The following LRRTM4 variants were observed in gnomAD, a reference collection of about 807,000 sequenced individuals.
The protein encoded by LRRTM4 is leucine rich repeat transmembrane neuronal 4.
A neutral mutation model predicts 47.6 loss-of-function variants in LRRTM4; 25 were observed. The observed-to-expected ratio is 0.53, with a 90% CI of 0.38 to 0.73. The LOEUF is 0.73. LRRTM4 is among the 30% of genes least tolerant of loss of function. The probability of loss-of-function intolerance (pLI) is 0.00; values close to 1 mark genes in which losing one functional copy is unlikely to be tolerated. For synonymous variants in LRRTM4, 311 were observed against 269.5 expected (o/e 1.15, Z -1.51); for missense variants, 638 against 713.4 (o/e 0.89, Z 1.20).
At chr2:77,181,726 A>C (rs1039132957) in intron 3 of LRRTM4, among the ~76,000 whole-genome samples, 2 of 152,128 alleles carry the variant, frequency 1.3e-5, no homozygotes, top group East Asian at 1.9e-4. Context: ...TTAACTAATA[A>C]ATTTATGATG....
At chr2:76,787,850 T>G (rs553459667) in intron 3 of LRRTM4, among the ~76,000 whole-genome samples, 1 of 152,260 alleles carries the variant, frequency 6.6e-6, no homozygotes, top group South Asian at 2.1e-4. Flanking sequence ...ACCAGTCCTT[T>G]AGGCAAATTT....
chr2:77,176,681 C>G (rs555878318), intron 3 of LRRTM4, among the ~76,000 whole-genome samples: 1 of 152,122 alleles, frequency 6.6e-6, no homozygotes, highest in African/African-American at 2.4e-5. Context: ...ATAATAAACT[C>G]TTTTATCTAC....
At chr2:76,817,529 A>T (rs1573162120) in intron 3 of LRRTM4, among the ~76,000 whole-genome samples, 1 of 151,936 alleles carries the variant, frequency 6.6e-6, no homozygotes, top group Non-Finnish European at 1.5e-5. Context: ...AAATGAAATA[A>T]TGGCTTCAGA....
chr2:77,033,077 A>C (rs1426431487), intron 3 of LRRTM4, among the ~76,000 whole-genome samples: 3 of 152,080 alleles, frequency 2.0e-5, no homozygotes, highest in African/African-American at 7.2e-5. Flanking sequence ...TGATGTTTTA[A>C]AGTTGAAAAA....
chr2:77,184,170 A>G (rs1009646525), intron 3 of LRRTM4, among the ~76,000 whole-genome samples: 2 of 152,176 alleles, frequency 1.3e-5, no homozygotes, highest in Admixed American at 1.3e-4. Context: ...TAACTAAAGT[A>G]TAAAATATTT....
chr2:77,423,317 T>A (rs1284188550), intron 3 of LRRTM4, among the ~76,000 whole-genome samples: 3 of 148,234 alleles, frequency 2.0e-5, no homozygotes, highest in East Asian at 3.9e-4. Flanking sequence ...TAAATCCATC[T>A]CTTTGGAATA....
intron 3 of LRRTM4, among the ~76,000 whole-genome samples, chr2:76,770,249 C>T (rs1673638150): frequency 6.6e-6 from 1 of 152,168 alleles, no homozygotes; most frequent in South Asian, 2.1e-4. Flanking sequence ...ATATTTTCTG[C>T]AATGTCATAA....
rs189086560 is a variant in LRRTM4 at position 77,085,394 on chromosome 2, C to A, written c.1552-336478G>T. On this transcript the variant is annotated intron_variant, in intron 3 of 3. Transcript: ENST00000409884. ...AATCCCTCACTTTTTTTTTTTTTTG[C>A]CTGTTTTAAGGATGTTATTTGTATA... Among the ~76,000 whole-genome samples the A allele has an allele frequency of 2.0e-4, 28 of 139,888 alleles. No individual in the cohort carries two copies. In the South Asian group the frequency reaches 3.7e-3, roughly 19 times the overall value. The allele number at this position is 139,888 out of a possible 152,430, so 91.8% of individuals were successfully genotyped here. A position where few individuals can be genotyped will look rare whatever the true frequency, so the allele number is the denominator to read the frequency against.
intron 3 of LRRTM4, among the ~76,000 whole-genome samples, chr2:77,102,515 TG>T (rs1437060460): frequency 6.6e-6 from 1 of 152,238 alleles, no homozygotes; most frequent in East Asian, 1.9e-4. Context: ...GAGTCAAATA[TG>T]TTTCAAATGG....
intron 3 of LRRTM4, among the ~76,000 whole-genome samples, chr2:76,770,094 C>G (rs1444241540): frequency 6.6e-6 from 1 of 152,100 alleles, no homozygotes; most frequent in Non-Finnish European, 1.5e-5. Flanking sequence ...GTCAATCAGT[C>G]TGAAAGTCAA....
chr2:76,977,037 G>A (rs928406628), intron 3 of LRRTM4, among the ~76,000 whole-genome samples: 5 of 151,658 alleles, frequency 3.3e-5, no homozygotes, highest in African/African-American at 1.2e-4. Flanking sequence ...GTTTACATGT[G>A]TCAGTGTACG....
intron 3 of LRRTM4, among the ~76,000 whole-genome samples, chr2:77,326,289 T>C (rs1670771193): frequency 6.6e-6 from 1 of 152,228 alleles, no homozygotes; most frequent in East Asian, 1.9e-4. Flanking sequence ...TAAATGTATC[T>C]ACTTTTCTCT....
intron 3 of LRRTM4, among the ~76,000 whole-genome samples, chr2:77,030,495 GA>G (rs1227851005): frequency 6.6e-6 from 1 of 152,088 alleles, no homozygotes; most frequent in Admixed American, 6.6e-5. Flanking sequence ...ACAATGTTTA[GA>G]ATTTAAATCT....
chr2:76,755,779 A>C (rs1673007892), intron 3 of LRRTM4, among the ~76,000 whole-genome samples: 1 of 152,152 alleles, frequency 6.6e-6, no homozygotes, highest in African/African-American at 2.4e-5. Flanking sequence ...TAAGGAAAGC[A>C]AGGGCATATC....
chr2:77,465,414 ATTG>A (rs774812074), intron 3 of LRRTM4, among the ~76,000 whole-genome samples: 3 of 152,240 alleles, frequency 2.0e-5, no homozygotes, highest in East Asian at 3.9e-4. Flanking sequence ...GCGTTTCCCC[ATTG>A]TTGTTCATTT....
At chr2:76,888,974 G>C (rs528141599) in intron 3 of LRRTM4, among the ~76,000 whole-genome samples, 41 of 151,800 alleles carry the variant, frequency 2.7e-4, no homozygotes, top group African/African-American at 9.2e-4. Flanking sequence ...TCAACAAATA[G>C]CTTTGGGCTT....
intron 3 of LRRTM4, among the ~76,000 whole-genome samples, chr2:77,491,026 A>G (rs531347253): frequency 1.3e-5 from 2 of 152,290 alleles, no homozygotes; most frequent in Admixed American, 1.3e-4. Context: ...TCCAAATGAG[A>G]ATGTAAGTTG....
At position 76,759,631 on chromosome 2, in the gene LRRTM4, ATG is replaced by A. The variant is rs143777731; in HGVS notation, c.1552-10717_1552-10716del. ...AATGTTTTTTTTCCAGCTATTGTAT[ATG>A]TGTGTGTGTGTGTATGTAGAAGTCA... On this transcript the variant is annotated intron_variant, in intron 3 of 3. Coordinates refer to ENST00000409884, the MANE Select transcript of LRRTM4 (RefSeq NM_001134745.3). Among the ~76,000 whole-genome samples the A allele has an allele frequency of 9.2e-5, 14 of 151,520 alleles. No homozygotes were observed. The East Asian group carries it at 9.7e-4, about 10-fold the overall frequency.
chr2:77,381,508 T>A (rs1025305053), intron 3 of LRRTM4, among the ~76,000 whole-genome samples: 3 of 152,006 alleles, frequency 2.0e-5, no homozygotes, highest in African/African-American at 7.2e-5. Context: ...AGTAGCAGAA[T>A]TGGTCAATAA....
Sources: allele counts gnomAD v4.1 joint callset (sites outside exome capture counted in the v4.1 genomes callset), GRCh38; gene constraint gnomAD v4.1.1; transcripts MANE v1.5; gene names NCBI Gene and HGNC (gene_info 2026-07-23, HGNC 2026-07-21).